The following BRINP3 variants were observed in gnomAD, a reference collection of about 807,000 sequenced individuals.
BRINP3 encodes the protein BMP/retinoic acid inducible neural specific 3, also known as BMP/retinoic acid-inducible neural-specific protein 3.
In BRINP3, 19 loss-of-function variants were observed where a neutral mutation model predicts 71.0. The ratio of observed to expected loss-of-function variants is 0.27; its 90% CI spans 0.19 to 0.39. BRINP3 has a LOEUF of 0.39. Ranked by LOEUF, BRINP3 falls within the 10% of genes least tolerant of loss-of-function variation. BRINP3 has a pLI of 1.00. For synonymous variants in BRINP3, 380 were observed against 337.7 expected (o/e 1.13, Z -1.37); for missense variants, 959 against 940.8 (o/e 1.02, Z -0.25).
intron 2 of BRINP3, among the ~76,000 whole-genome samples, chr1:190,292,060 C>G (rs1169073417): frequency 6.6e-6 from 1 of 152,058 alleles, no homozygotes; most frequent in African/African-American, 2.4e-5. Flanking sequence ...AAGAAAAATT[C>G]CACTTGACCT....
chr1:190,183,000 T>C (rs1571931088), intron 6 of BRINP3, among the ~76,000 whole-genome samples: 1 of 151,890 alleles, frequency 6.6e-6, no homozygotes, highest in South Asian at 2.1e-4. Context: ...TTGAGGGGGG[T>C]TTTGGAAAAC....
intron 6 of BRINP3, among the ~76,000 whole-genome samples, chr1:190,187,832 C>T (rs1210277987): frequency 6.6e-6 from 1 of 151,408 alleles, no homozygotes; most frequent in Admixed American, 6.6e-5. Flanking sequence ...CAGGTTTGTT[C>T]TATTTGCTCA....
At chr1:190,473,540 C>CTTTTTTTTTTTTTTT (rs201424484) in intron 1 of BRINP3, among the ~76,000 whole-genome samples, 1 of 133,078 alleles carries the variant, frequency 7.5e-6, no homozygotes, top group Non-Finnish European at 1.6e-5. Flanking sequence ...TAATTTTTCT[C>CTTTTTTTTTTTTTTT]TTTTTTTTTT....
At chr1:190,140,343 G>T (rs1297797432) in intron 7 of BRINP3, among the ~76,000 whole-genome samples, 1 of 151,986 alleles carries the variant, frequency 6.6e-6, no homozygotes, top group Admixed American at 6.6e-5. Context: ...AGAAAGATAA[G>T]AAGATGCAAA....
rs1675184858 is a variant in BRINP3 at position 190,445,883 on chromosome 1, A to G, written c.236+8772T>C. 3.9e-5 allele frequency among the ~76,000 whole-genome samples: 6 copies of G among 152,318 alleles called. No individual in the cohort carries two copies. In the South Asian group the frequency reaches 1.2e-3, roughly 32 times the overall value. On this transcript the variant is annotated intron_variant, in intron 2 of 7. Coordinates refer to ENST00000367462, the MANE Select transcript of BRINP3 (RefSeq NM_199051.3). ...GTATTTGTTTAAATGCCAAAACATC[A>G]TAATTGTTGTTTACTATTCTGTAAA...
intron 2 of BRINP3, among the ~76,000 whole-genome samples, chr1:190,444,763 T>C (rs182161132): frequency 6.6e-6 from 1 of 152,124 alleles, no homozygotes; most frequent in Non-Finnish European, 1.5e-5. Context: ...CTCGAATTCC[T>C]GACCTGGTGA....
intron 2 of BRINP3, among the ~76,000 whole-genome samples, chr1:190,324,550 T>C (rs570806394): frequency 7.0e-4 from 107 of 152,100 alleles, no homozygotes; most frequent in South Asian, 1.5e-3. Context: ...GTTTATACAA[T>C]ATGATGACCA....
chr1:190,386,292 ACT>A (rs926662646), intron 2 of BRINP3, among the ~76,000 whole-genome samples: 33 of 151,584 alleles, frequency 2.2e-4, no homozygotes, highest in African/African-American at 7.5e-4. Context: ...AAAAATAATG[ACT>A]CATCCTTTAA....
intron 2 of BRINP3, among the ~76,000 whole-genome samples, chr1:190,376,163 T>C (rs558155982): frequency 1.4e-3 from 210 of 152,072 alleles, no homozygotes; most frequent in African/African-American, 4.8e-3. Context: ...CATAGCTTTT[T>C]TTTTTAATAT....
At chr1:190,461,688 T>C (rs1676408031) in intron 1 of BRINP3, among the ~76,000 whole-genome samples, 1 of 152,138 alleles carries the variant, frequency 6.6e-6, no homozygotes, top group Non-Finnish European at 1.5e-5. Flanking sequence ...ACTGGTGGTG[T>C]GATATGGCTG....
At chr1:190,350,247 A>T (rs1417552976) in intron 2 of BRINP3, among the ~76,000 whole-genome samples, 3 of 152,124 alleles carry the variant, frequency 2.0e-5, no homozygotes, top group Admixed American at 2.0e-4. Context: ...TTAAATGTAG[A>T]TCCACAGCTA....
At chr1:190,154,249 G>A (rs997845620) in intron 7 of BRINP3, 20 of 160,048 alleles carry the variant, frequency 1.2e-4, no homozygotes, top group African/African-American at 2.2e-4. Flanking sequence ...TGCAGCATGC[G>A]CTCAGATGAA....
At chr1:190,435,511 T>C (rs1420157612) in intron 2 of BRINP3, among the ~76,000 whole-genome samples, 5 of 151,896 alleles carry the variant, frequency 3.3e-5, no homozygotes, top group Admixed American at 1.3e-4. Flanking sequence ...TAGGAAAATA[T>C]TATTATGGTT....
chr1:190,360,304 T>C lies in BRINP3; in HGVS notation c.237-78554A>G, dbSNP rs1329688672. Among the ~76,000 whole-genome samples, 3 of 152,148 alleles carry C rather than the reference T, an allele frequency of 2.0e-5. No individual in the cohort carries two copies. The East Asian group carries it at 5.8e-4, about 29-fold the overall frequency. ...ATTGTCCAAACCAGAATACTTTTGATATTGAAAGGGGATATTGTTAATAAT... is the reference window on the plus strand; with the variant it reads ...ATTGTCCAAACCAGAATACTTTTGACATTGAAAGGGGATATTGTTAATAAT... On this transcript the variant is annotated intron_variant, in intron 2 of 7. Coordinates refer to ENST00000367462, the MANE Select transcript of BRINP3 (RefSeq NM_199051.3).
chr1:190,300,661 G>A (rs1664613000), intron 2 of BRINP3, among the ~76,000 whole-genome samples: 1 of 151,964 alleles, frequency 6.6e-6, no homozygotes, highest in African/African-American at 2.4e-5. Context: ...CCCCCAGCAG[G>A]GGCAGACTGA....
chr1:190,366,083 G>A (rs180856479), intron 2 of BRINP3, among the ~76,000 whole-genome samples: 1 of 150,836 alleles, frequency 6.6e-6, no homozygotes, highest in Non-Finnish European at 1.5e-5. Context: ...GATGAGAAAG[G>A]ATCAGATCGA....
intron 2 of BRINP3, among the ~76,000 whole-genome samples, chr1:190,324,203 C>T (rs1011341014): frequency 6.6e-6 from 1 of 151,934 alleles, no homozygotes; most frequent in Admixed American, 6.6e-5. Flanking sequence ...TTTTCTAAGA[C>T]CTATAGCTAT....
chr1:190,462,424 A>G (rs1190942453), intron 1 of BRINP3, among the ~76,000 whole-genome samples: 1 of 152,116 alleles, frequency 6.6e-6, no homozygotes, highest in Non-Finnish European at 1.5e-5. Flanking sequence ...CAAACAGCCA[A>G]ACCAAAATCC....
chr1:190,462,498 G>C (rs745890055), intron 1 of BRINP3, among the ~76,000 whole-genome samples: 25 of 152,108 alleles, frequency 1.6e-4, no homozygotes, highest in Non-Finnish European at 2.2e-4. Flanking sequence ...GAATTGAATA[G>C]CCTGTTCCTC....
Sources: allele counts gnomAD v4.1 joint callset (sites outside exome capture counted in the v4.1 genomes callset), GRCh38; gene constraint gnomAD v4.1.1; transcripts MANE v1.5; gene names NCBI Gene and HGNC (gene_info 2026-07-23, HGNC 2026-07-21).